Variants in DSCAM observed in about 807,000 individuals in gnomAD.
DSCAM encodes the protein DS cell adhesion molecule.
Under a neutral mutation model 217.7 loss-of-function variants are expected in DSCAM, and 47 were observed. The ratio of observed to expected loss-of-function variants is 0.22; its 90% CI spans 0.17 to 0.28. DSCAM has a LOEUF of 0.28. Among genes scored for constraint, DSCAM ranks in the 10% least tolerant of loss-of-function variants. The pLI, the probability that DSCAM is intolerant of heterozygous loss-of-function variation, is 1.00. For missense variants in DSCAM, 2,080 were observed against 2,618.3 expected (o/e 0.79, Z 4.49); for synonymous variants, 1,056 against 1,015.3 (o/e 1.04, Z -0.76).
At position 40,055,790 on chromosome 21, in the gene DSCAM, C is replaced by T. The variant is rs766747740; in HGVS notation, c.4970G>A (p.Arg1657Gln). The stretch of plus-strand genomic sequence containing the variant: ...AGCCCTGGGTATGTCGATGTGCATT[C>T]GCAGGGTCTGCTGTTGCTTGCTTAA... ...DTLSKQQQTLRMHIDIPRAQL... is the reference protein window; with the variant it reads ...DTLSKQQQTLQMHIDIPRAQL... Residue 1657 changes from arginine to glutamine, a missense_variant, in exon 29 of 33, where the codon CGA (arginine) becomes CAA (glutamine). This residue lies in a region of DSCAM where 1,144 missense variants were observed against 1,421.1 expected (regional missense o/e 0.81). Coordinates refer to ENST00000400454, the MANE Select transcript of DSCAM (RefSeq NM_001389.5). The T allele has an allele frequency of 1.5e-5, 25 of 1,613,782 alleles. No individual in the cohort carries two copies. The Admixed American group carries it at 2.7e-4, about 17-fold the overall frequency.
intron 3 of DSCAM, among the ~76,000 whole-genome samples, chr21:40,565,077 A>G (rs1434978813): frequency 6.6e-6 from 1 of 152,164 alleles, no homozygotes; most frequent in African/African-American, 2.4e-5. Context: ...TAAAGACATA[A>G]GACAGGAGCC....
At chr21:40,094,130 G>A (rs576007481) in intron 20 of DSCAM, among the ~76,000 whole-genome samples, 25 of 152,178 alleles carry the variant, frequency 1.6e-4, no homozygotes, top group African/African-American at 6.0e-4. Flanking sequence ...CAGCACTTCT[G>A]TATTTGGCTG....
intron 4 of DSCAM, among the ~76,000 whole-genome samples, chr21:40,368,112 T>C (rs534825614): frequency 6.6e-6 from 1 of 152,138 alleles, no homozygotes; most frequent in African/African-American, 2.4e-5. Flanking sequence ...GAGGGAGAAA[T>C]GCTTATTTAC....
rs562401593 is a variant in DSCAM, at chr21:40,420,011, T to C, written c.509-50766A>G. Among the ~76,000 whole-genome samples, 10 of 152,146 alleles carry C rather than the reference T, an allele frequency of 6.6e-5. 2 individuals are homozygous for C. The South Asian group carries it at 2.1e-3, about 32-fold the overall frequency. On this transcript the variant is annotated intron_variant, in intron 3 of 32. Transcript: ENST00000400454. Reference sequence around the variant, plus strand: ...TGCTTTTGAGTCATTAGAGAAAAAGTGGTTATGAAAATGACATATTAAGGG... The same window carrying C: ...TGCTTTTGAGTCATTAGAGAAAAAGCGGTTATGAAAATGACATATTAAGGG...
intron 11 of DSCAM, among the ~76,000 whole-genome samples, chr21:40,232,040 A>G (rs1299107651): frequency 2.6e-5 from 4 of 152,210 alleles, no homozygotes; most frequent in Non-Finnish European, 5.9e-5. Flanking sequence ...ATCTACTTGA[A>G]AAATATCATT....
intron 11 of DSCAM, among the ~76,000 whole-genome samples, chr21:40,254,205 A>G (rs1216045452): frequency 6.6e-6 from 1 of 152,236 alleles, no homozygotes; most frequent in Non-Finnish European, 1.5e-5. Flanking sequence ...GATAAATGAC[A>G]GAGCCTTTGT....
At chr21:40,508,844 C>T (rs2076236271) in intron 3 of DSCAM, among the ~76,000 whole-genome samples, 1 of 134,908 alleles carries the variant, frequency 7.4e-6, no homozygotes, top group Non-Finnish European at 1.6e-5. Flanking sequence ...CTTTATGTTG[C>T]CCAGGCTGGT....
At chr21:40,276,585 GAAC>G (rs777040815) in intron 10 of DSCAM, among the ~76,000 whole-genome samples, 4 of 152,124 alleles carry the variant, frequency 2.6e-5, no homozygotes, top group Non-Finnish European at 4.4e-5. Flanking sequence ...AATCACAGTA[GAAC>G]AACCACAGAA....
At chr21:40,500,500 C>G (rs1568856491) in intron 3 of DSCAM, among the ~76,000 whole-genome samples, 1 of 152,128 alleles carries the variant, frequency 6.6e-6, no homozygotes, top group Non-Finnish European at 1.5e-5. Flanking sequence ...ATTTTCTTTC[C>G]AAATCTTACT....
At chr21:40,403,867 G>A (rs904750699) in intron 3 of DSCAM, among the ~76,000 whole-genome samples, 5 of 152,136 alleles carry the variant, frequency 3.3e-5, no homozygotes, top group Admixed American at 6.5e-5. Context: ...TAAGTGTTCA[G>A]AACATTTGAT....
intron 25 of DSCAM, among the ~76,000 whole-genome samples, chr21:40,079,864 C>T (rs543914943): frequency 7.9e-5 from 12 of 152,256 alleles, no homozygotes; most frequent in Admixed American, 5.2e-4. Context: ...GCAAGCGCCA[C>T]GCTTCATGGC....
intron 3 of DSCAM, among the ~76,000 whole-genome samples, chr21:40,578,739 A>C (rs975812252): frequency 3.3e-5 from 5 of 152,212 alleles, no homozygotes; most frequent in African/African-American, 1.2e-4. Flanking sequence ...GAAGTCAGCG[A>C]GAACAAGAAC....
chr21:40,299,437 C>T (rs1248419887), intron 9 of DSCAM, among the ~76,000 whole-genome samples: 1 of 152,120 alleles, frequency 6.6e-6, no homozygotes. Context: ...CATGTACTTA[C>T]ATCAAGAAGA....
intron 1 of DSCAM, among the ~76,000 whole-genome samples, chr21:40,791,138 C>T (rs1329576059): frequency 6.9e-6 from 1 of 145,484 alleles, no homozygotes; most frequent in East Asian, 2.0e-4. Context: ...GACTGGGCAA[C>T]AAAGCGAGAC....
At chr21:40,316,296 T>C (rs2074196241) in intron 8 of DSCAM, among the ~76,000 whole-genome samples, 1 of 152,220 alleles carries the variant, frequency 6.6e-6, no homozygotes, top group South Asian at 2.1e-4. Context: ...ATTGTTAATG[T>C]AAATTAAATC....
intron 8 of DSCAM, among the ~76,000 whole-genome samples, chr21:40,316,815 C>T (rs1251149387): frequency 6.6e-6 from 1 of 152,180 alleles, no homozygotes; most frequent in Admixed American, 6.5e-5. Context: ...TATCTAAACC[C>T]TTAACAAGAA....
At chr21:40,391,156 A>G (rs1023500534) in intron 3 of DSCAM, among the ~76,000 whole-genome samples, 3 of 152,230 alleles carry the variant, frequency 2.0e-5, no homozygotes, top group Non-Finnish European at 2.9e-5. Context: ...CAAATGCTGC[A>G]ATATAAATAA....
chr21:40,517,404 AACAC>A (rs3070750), intron 3 of DSCAM, among the ~76,000 whole-genome samples: 75,547 of 144,502 alleles, frequency 0.52, 19,449 homozygotes, highest in African/African-American at 0.54. Context: ...ACACACAAGC[AACAC>A]ACACACACAC....
chr21:40,624,344 T>A (rs571935416), intron 3 of DSCAM, among the ~76,000 whole-genome samples: 1 of 152,326 alleles, frequency 6.6e-6, no homozygotes, highest in Non-Finnish European at 1.5e-5. Flanking sequence ...GATCTTTTTT[T>A]AAACTTTTTT....
Sources: gnomAD v4.1 joint callset for allele counts (sites outside exome capture counted in the v4.1 genomes callset) on GRCh38, gnomAD v4.1.1 for gene constraint, gnomAD v4.1.1 regional missense constraint, MANE v1.5 for transcripts, NCBI Gene and HGNC (gene_info 2026-07-23, HGNC 2026-07-21) for gene names.